Variants in LRP1B observed in about 807,000 individuals in gnomAD.
The protein encoded by LRP1B is LDL receptor related protein 1B, also known as low-density lipoprotein receptor-related protein 1B.
A neutral mutation model predicts 556.6 loss-of-function variants in LRP1B; 217 were observed. The ratio of observed to expected loss-of-function variants is 0.39; its 90% CI spans 0.35 to 0.44. LRP1B has a LOEUF of 0.44. Among genes scored for constraint, LRP1B ranks in the 20% least tolerant of loss-of-function variants. The probability of loss-of-function intolerance (pLI) is 1.00; values close to 1 mark genes in which losing one functional copy is unlikely to be tolerated. For synonymous variants in LRP1B, 2,047 were observed against 1,865.8 expected (o/e 1.10, Z -2.50); for missense variants, 5,053 against 5,620.8 (o/e 0.90, Z 3.23).
chr2:141,635,974 C>G (rs1381060669), intron 2 of LRP1B, among the ~76,000 whole-genome samples: 1 of 152,070 alleles, frequency 6.6e-6, no homozygotes, highest in Non-Finnish European at 1.5e-5. Context: ...TGGCCTTGAG[C>G]CTTGAGACTG....
chr2:141,920,215 C>G (rs1043161211), intron 1 of LRP1B, among the ~76,000 whole-genome samples: 2 of 143,960 alleles, frequency 1.4e-5, no homozygotes, highest in African/African-American at 5.1e-5. Flanking sequence ...TCTGCATTTG[C>G]AGCATTTGAG....
At chr2:140,930,448 G>GA (rs982313126) in intron 20 of LRP1B, among the ~76,000 whole-genome samples, 14 of 151,310 alleles carry the variant, frequency 9.3e-5, no homozygotes, top group South Asian at 6.3e-4. Flanking sequence ...TACAGTGACA[G>GA]AAAAAAAACT....
At chr2:142,109,053 A>G (rs1409109628) in intron 1 of LRP1B, among the ~76,000 whole-genome samples, 2 of 152,192 alleles carry the variant, frequency 1.3e-5, no homozygotes, top group Admixed American at 6.5e-5. Context: ...TGGTCACAGG[A>G]ATTATGCTTA....
intron 60 of LRP1B, among the ~76,000 whole-genome samples, chr2:140,471,133 T>C (rs1266998797): frequency 6.6e-6 from 1 of 152,218 alleles, no homozygotes; most frequent in African/African-American, 2.4e-5. Flanking sequence ...AAACTGAATA[T>C]TTCTACCTGG....
intron 18 of LRP1B, among the ~76,000 whole-genome samples, chr2:140,978,287 C>T (rs1384839182): frequency 6.6e-6 from 1 of 152,166 alleles, no homozygotes; most frequent in Non-Finnish European, 1.5e-5. Context: ...GTAGCACCTT[C>T]AACTCCTAAT....
At chr2:141,790,384 A>T (rs796897490) in intron 2 of LRP1B, among the ~76,000 whole-genome samples, 3 of 151,788 alleles carry the variant, frequency 2.0e-5, no homozygotes, top group Non-Finnish European at 4.4e-5. Flanking sequence ...GATCTCAGAT[A>T]TACTTCAGAG....
At chr2:140,270,164 AG>A in intron 86 of LRP1B, 77 bp downstream of exon 86, 1 of 1,001,444 alleles carries the variant, frequency 1.0e-6, no homozygotes, top group Non-Finnish European at 1.6e-6. Context: ...ACCCCAGAAA[AG>A]GAGAATAATA....
intron 2 of LRP1B, among the ~76,000 whole-genome samples, chr2:141,659,059 A>T (rs529933466): frequency 2.4e-4 from 37 of 152,176 alleles, no homozygotes; most frequent in Admixed American, 2.0e-3. Context: ...AGGCACCACT[A>T]TACCCGACTA....
intron 3 of LRP1B, among the ~76,000 whole-genome samples, chr2:141,264,244 T>C (rs1684804764): frequency 6.6e-6 from 1 of 152,194 alleles, no homozygotes; most frequent in Admixed American, 6.5e-5. Flanking sequence ...TAGTAAGCAA[T>C]TATATTGAAA....
intron 32 of LRP1B, among the ~76,000 whole-genome samples, chr2:140,784,289 C>A (rs563828419): frequency 6.6e-6 from 1 of 151,338 alleles, no homozygotes; most frequent in African/African-American, 2.4e-5. Flanking sequence ...TTTCTATGCC[C>A]CATGTGAGAT....
chr2:141,237,221 G>A (rs1683677412), intron 5 of LRP1B, among the ~76,000 whole-genome samples: 1 of 152,066 alleles, frequency 6.6e-6, no homozygotes, highest in Non-Finnish European at 1.5e-5. Context: ...TGGGGATAAA[G>A]GGTATCATTA....
At chr2:141,929,173 A>G (rs1365114820) in intron 1 of LRP1B, among the ~76,000 whole-genome samples, 3 of 152,134 alleles carry the variant, frequency 2.0e-5, no homozygotes, top group African/African-American at 7.2e-5. Context: ...AGAGACACTC[A>G]CATATGAAAA....
At chr2:140,712,412 G>A (rs1010673138) in intron 37 of LRP1B, among the ~76,000 whole-genome samples, 2 of 151,982 alleles carry the variant, frequency 1.3e-5, no homozygotes, top group Admixed American at 1.3e-4. Context: ...CCTAATGTAA[G>A]ATACAAATCT....
At chr2:141,394,053 A>G (rs1250092524) in intron 3 of LRP1B, among the ~76,000 whole-genome samples, 8 of 152,154 alleles carry the variant, frequency 5.3e-5, no homozygotes, top group Non-Finnish European at 1.5e-5. Flanking sequence ...TGGGTATACT[A>G]TGTCCCTGAC....
At chr2:141,923,416 T>TATATATATAC (rs1700244000) in intron 1 of LRP1B, among the ~76,000 whole-genome samples, 1 of 138,852 alleles carries the variant, frequency 7.2e-6, no homozygotes, top group Non-Finnish European at 1.6e-5. Context: ...TATATATATA[T>TATATATATAC]ATATATAGTG....
chr2:141,783,837 A>C (rs1163597070), intron 2 of LRP1B, among the ~76,000 whole-genome samples: 1 of 151,870 alleles, frequency 6.6e-6, no homozygotes, highest in Admixed American at 6.6e-5. Context: ...ATTACCAATA[A>C]GATGGTAATT....
At chr2:141,819,259 A>ACAAAC (rs200620207) in intron 1 of LRP1B, among the ~76,000 whole-genome samples, 19 of 147,520 alleles carry the variant, frequency 1.3e-4, no homozygotes, top group East Asian at 6.0e-4. Context: ...AAACAAACAA[A>ACAAAC]AAAAAAAACA....
chr2:140,824,951 C>T (rs769796083), intron 31 of LRP1B, among the ~76,000 whole-genome samples: 3 of 152,172 alleles, frequency 2.0e-5, no homozygotes, highest in East Asian at 1.9e-4. Flanking sequence ...TTGTGCTATA[C>T]GTTGAGGATA....
At chr2:140,649,510 T>C (rs530002249) in intron 41 of LRP1B, among the ~76,000 whole-genome samples, 4 of 152,228 alleles carry the variant, frequency 2.6e-5, no homozygotes, top group Non-Finnish European at 5.9e-5. Flanking sequence ...GATTCTGTAG[T>C]TGAAAGATCT....
Sources: allele counts gnomAD v4.1 joint callset (sites outside exome capture counted in the v4.1 genomes callset), GRCh38; gene constraint gnomAD v4.1.1; transcripts MANE v1.5; gene names NCBI Gene and HGNC (gene_info 2026-07-23, HGNC 2026-07-21).